MSH3: variants seen among roughly 807,000 people sequenced by gnomAD.
MSH3 encodes the protein DNA mismatch repair protein Msh3.
MSH3 carries 106 observed loss-of-function variants against 123.3 expected under a neutral mutation model. That is an observed-to-expected ratio of 0.86 (90% confidence interval 0.73 to 1.01). The LOEUF is 1.01. Ranked by LOEUF, MSH3 falls within the 50% of genes least tolerant of loss-of-function variation. The probability of loss-of-function intolerance (pLI) is 0.00; values close to 1 mark genes in which losing one functional copy is unlikely to be tolerated. For missense variants in MSH3, 1,459 were observed against 1,347.6 expected (o/e 1.08, Z -1.29); for synonymous variants, 515 against 481.4 (o/e 1.07, Z -0.91).
At chr5:80,656,379 T>C in intron 1 of MSH3, 32 bp from the exon 2 acceptor site, 2 of 1,613,520 alleles carry the variant, frequency 1.2e-6, no homozygotes, top group Non-Finnish European at 1.7e-6. Flanking sequence ...AGAGTAGAGA[T>C]AACACATCAT....
intron 20 of MSH3, among the ~76,000 whole-genome samples, chr5:80,832,615 T>TC: frequency 6.8e-6 from 1 of 147,850 alleles, no homozygotes; most frequent in Admixed American, 6.7e-5. Context: ...TAAGACTCCA[T>TC]TAAAAAAAAA....
chr5:80,822,198 A>G (rs4293894), intron 20 of MSH3, among the ~76,000 whole-genome samples: 24,045 of 152,154 alleles, frequency 0.16, 2,006 homozygotes, highest in East Asian at 0.24. Flanking sequence ...TCCTTCTAGA[A>G]CCCTGAGAGA....
chr5:80,771,274 C>T (rs865804010), intron 15 of MSH3, among the ~76,000 whole-genome samples: 5 of 152,084 alleles, frequency 3.3e-5, no homozygotes, highest in African/African-American at 4.8e-5. Context: ...GCTTGAGCTC[C>T]GGAGTTCAAG....
chr5:80,698,076 T>G (rs550630683), intron 8 of MSH3, among the ~76,000 whole-genome samples: 1 of 151,886 alleles, frequency 6.6e-6, no homozygotes, highest in Non-Finnish European at 1.5e-5. Context: ...CCCAGCTAAT[T>G]TTTTTTGTAG....
At chr5:80,759,725 A>G (rs1561468439) in intron 12 of MSH3, among the ~76,000 whole-genome samples, 1 of 152,118 alleles carries the variant, frequency 6.6e-6, no homozygotes, top group East Asian at 1.9e-4. Flanking sequence ...AAAGGAATGG[A>G]AGTGGGGAGG....
intron 8 of MSH3, among the ~76,000 whole-genome samples, chr5:80,710,025 G>A (rs1561451625): frequency 1.3e-5 from 2 of 152,182 alleles, no homozygotes; most frequent in African/African-American, 4.8e-5. Flanking sequence ...TTCTAAAGCT[G>A]TCCCACTTCT....
At chr5:80,709,120 G>A (rs548253744) in intron 8 of MSH3, among the ~76,000 whole-genome samples, 5 of 151,578 alleles carry the variant, frequency 3.3e-5, no homozygotes. Context: ...TCACATAATA[G>A]AAATAAAGGG....
Position 80,701,717 on chromosome 5 carries a change from C to T in MSH3, c.1340+22624C>T, listed in dbSNP as rs908663222. 2.7e-5 allele frequency among the ~76,000 whole-genome samples: 4 copies of T among 150,930 alleles called. No homozygotes were observed. In the East Asian group the frequency reaches 7.7e-4, roughly 29 times the overall value. On this transcript the variant is annotated intron_variant, in intron 8 of 23. Transcript: ENST00000265081. ...CTTATCTCCCAGCCTTTGTGGACTC[C>T]TTCTTGTCCATTTGTCTTTGTAATG...
chr5:80,780,245 T>A (rs1744385994), intron 17 of MSH3, among the ~76,000 whole-genome samples: 1 of 152,214 alleles, frequency 6.6e-6, no homozygotes, highest in Admixed American at 6.5e-5. Flanking sequence ...AGGGCTGATG[T>A]CAAGCTACCA....
At chr5:80,661,033 G>A (rs938424920) in intron 2 of MSH3, among the ~76,000 whole-genome samples, 46 of 152,220 alleles carry the variant, frequency 3.0e-4, no homozygotes, top group Middle Eastern at 3.4e-3. Context: ...TCCTGACCTC[G>A]TGATCTACCC....
intron 17 of MSH3, among the ~76,000 whole-genome samples, chr5:80,785,606 G>A (rs909636229): frequency 6.6e-6 from 1 of 152,020 alleles, no homozygotes; most frequent in South Asian, 2.1e-4. Flanking sequence ...CCCATTACTG[G>A]GTATATACCC....
At chr5:80,762,992 A>G (rs921669092) in intron 13 of MSH3, among the ~76,000 whole-genome samples, 1 of 150,362 alleles carries the variant, frequency 6.7e-6, no homozygotes, top group Admixed American at 6.6e-5. Flanking sequence ...GGTTACAGGC[A>G]CCCGCCACTA....
rs192540928 is a variant in MSH3 at position 80,876,760 on chromosome 5, G to A, written c.*898G>A. On this transcript the variant is annotated 3_prime_UTR_variant, in exon 24 of 24. Transcript: ENST00000265081. ...GGATTAAGCAGTTTAAAGATTGTTG[G>A]ATGAAATTATTTGTCATTCATTCAA... is the stretch of plus-strand genomic sequence containing the variant. Among the ~76,000 whole-genome samples the A allele has an allele frequency of 4.2e-3, 638 of 152,264 alleles. No homozygotes were observed. The highest frequency in any genetic ancestry group is 6.2e-3 in the Non-Finnish European group (419 of 68,008).
rs553278649 is a variant in MSH3 at position 80,722,967 on chromosome 5, C to T, written c.1341-2486C>T. Among the ~76,000 whole-genome samples the T allele has an allele frequency of 9.9e-5, 15 of 151,936 alleles. No homozygotes were observed. The East Asian group carries it at 1.2e-3, about 12-fold the overall frequency. ...TAAAAATACAAAAAAATTAGCTGGG[C>T]GTGGTAATGCCTATCTGTAGTCCTA... On this transcript the variant is annotated intron_variant, in intron 8 of 23. Transcript: ENST00000265081.
chr5:80,718,055 C>T (rs1005942775), intron 8 of MSH3, among the ~76,000 whole-genome samples: 1 of 152,084 alleles, frequency 6.6e-6, no homozygotes, highest in Non-Finnish European at 1.5e-5. Flanking sequence ...GAATATAATA[C>T]AGATATAGAA....
chr5:80,675,791 C>T (rs1202105928), intron 7 of MSH3, among the ~76,000 whole-genome samples: 1 of 152,084 alleles, frequency 6.6e-6, no homozygotes, highest in Non-Finnish European at 1.5e-5. Context: ...TATGTGTGGA[C>T]AATGTACAGA....
At chr5:80,850,812 C>G (rs1745818888) in intron 20 of MSH3, among the ~76,000 whole-genome samples, 1 of 152,272 alleles carries the variant, frequency 6.6e-6, no homozygotes, top group South Asian at 2.1e-4. Flanking sequence ...TTTTCTCAGT[C>G]TTCTCTTTCA....
intron 20 of MSH3, among the ~76,000 whole-genome samples, chr5:80,845,491 A>C (rs1745704690): frequency 6.6e-6 from 1 of 152,128 alleles, no homozygotes. Context: ...TATCCTGAAG[A>C]GTGTTTTCTA....
chr5:80,705,274 TAA>T (rs1376721806), intron 8 of MSH3, among the ~76,000 whole-genome samples: 3 of 152,224 alleles, frequency 2.0e-5, no homozygotes, highest in Non-Finnish European at 2.9e-5. Flanking sequence ...GTTGAGGTTC[TAA>T]TCTTAGCTGT....
Sources: gnomAD v4.1 joint callset for allele counts (sites outside exome capture counted in the v4.1 genomes callset) on GRCh38, gnomAD v4.1.1 for gene constraint, MANE v1.5 for transcripts, NCBI Gene and HGNC (gene_info 2026-07-23, HGNC 2026-07-21) for gene names.